ZNF786: variants seen among roughly 807,000 people sequenced by gnomAD.
ZNF786 encodes the protein zinc finger protein 786.
ZNF786 carries 56 observed loss-of-function variants against 63.1 expected under a neutral mutation model. The observed-to-expected ratio is 0.89, with a 90% confidence interval of 0.72 to 1.11. The LOEUF (loss-of-function observed/expected upper bound fraction) is 1.11. ZNF786 is among the 50% of genes least tolerant of loss of function. The pLI is 0.00. For synonymous variants in ZNF786, 485 were observed against 406.9 expected (o/e 1.19, Z -2.31); for missense variants, 1,213 against 1,041.8 (o/e 1.16, Z -2.26).
chr7:149,085,659 C>T (rs1002337763), intron 1 of ZNF786, among the ~76,000 whole-genome samples: 2 of 151,132 alleles, frequency 1.3e-5, no homozygotes, highest in African/African-American at 2.5e-5. Context: ...ATAGGAATAG[C>T]AATGAATCTG....
chr7:149,083,550 A>C (rs1021727354), intron 1 of ZNF786, among the ~76,000 whole-genome samples: 20 of 152,160 alleles, frequency 1.3e-4, no homozygotes, highest in African/African-American at 4.8e-4. Flanking sequence ...GTTTATTTTA[A>C]ATGTTAGTTT....
chr7:149,070,474 A>C lies in ZNF786; in HGVS notation c.2298T>G (p.Ile766Met), dbSNP rs755039989. ...CAAACAGTTGGCTGAGCCTTTTCTT[A>C]ATGTCCAGTTCATTTGGAGCAGGAC... ...KSCPAPNELDIKKRLSQLFAM... is the reference protein window; with the variant it reads ...KSCPAPNELDMKKRLSQLFAM... Residue 766 changes from isoleucine (I) to methionine (M), a missense_variant, in exon 4 of 4, where the codon ATT becomes ATG. Transcript: ENST00000491431. 9.3e-6 allele frequency: 15 copies of C among 1,614,026 alleles called. No individual in the cohort carries two copies. Among genetic ancestry groups the C allele is most frequent in the Non-Finnish European group, 1.3e-5 (15 of 1,179,888 alleles).
chr7:149,070,617 T>A lies in ZNF786; in HGVS notation c.2155A>T (p.Met719Leu), dbSNP rs1384598093. The change falls in exon 4 of 4, where the codon ATG becomes TTG. Residue 719 changes from methionine to leucine, a missense_variant. Physicochemically the swap from Met to Leu is conservative, Grantham distance 15. Coordinates refer to ENST00000491431, the MANE Select transcript of ZNF786 (RefSeq NM_152411.4). ...CTGTGGATGCGCTGGTGCCTCAGCA[T>A]GTGTCCCCTTTCCCGGAAGTTCTTG... ...CDKNFRERGH[M>L]LRHQRIHRPE... The A allele has an allele frequency of 6.2e-7, 1 of 1,613,800 alleles. No individual in the cohort carries two copies. The highest frequency in any genetic ancestry group is 1.3e-5 in the African/African-American group (1 of 74,920).
At chr7:149,085,617 A>G (rs542969668) in intron 1 of ZNF786, among the ~76,000 whole-genome samples, 1 of 152,214 alleles carries the variant, frequency 6.6e-6, no homozygotes, top group East Asian at 1.9e-4. Context: ...TCCTGGCAAT[A>G]TAGTTTTTTT....
At position 149,071,102 on chromosome 7, in the gene ZNF786, T is replaced by C; in HGVS notation, c.1670A>G (p.His557Arg). Reference protein sequence around the residue: ...RLKGILKAHQHTHSKERPFSC... With the variant: ...RLKGILKAHQRTHSKERPFSC... ...GAACGGCCTCTCCTTGCTGTGCGTG[T>C]GCTGGTGGGCCTTCAGGATGCCCTT... The change falls in exon 4 of 4, where the codon CAC (histidine) becomes CGC (arginine). Residue 557 changes from histidine to arginine, a missense_variant. Transcript: ENST00000491431. 1.2e-6 allele frequency: 2 copies of C among 1,604,794 alleles called. No homozygotes were observed. Among genetic ancestry groups the C allele is most frequent in the Non-Finnish European group, 1.7e-6 (2 of 1,177,214 alleles).
At chr7:149,082,440 A>C (rs1825667580) in intron 1 of ZNF786, 1 of 550,610 alleles carries the variant, frequency 1.8e-6, no homozygotes, top group Admixed American at 6.4e-5. Flanking sequence ...GAGGCTCACA[A>C]CTAGGAGTAT....
Position 149,071,873 on chromosome 7 carries a change from G to C in ZNF786, c.899C>G (p.Pro300Arg). The C allele has an allele frequency of 1.9e-6, 3 of 1,600,988 alleles. No homozygotes were observed. Among genetic ancestry groups the C allele is most frequent in the Non-Finnish European group, 2.6e-6 (3 of 1,176,234 alleles). ...CACTGGGAGGGAGCGCTTGCCGCATGGGGTGCACTGGGCAGGCTTCTCCCC... is the reference window on the plus strand; with the variant it reads ...CACTGGGAGGGAGCGCTTGCCGCATCGGGTGCACTGGGCAGGCTTCTCCCC... ...QQGEKPAQCT[P>R]CGKRSLPVDS... is the part of the protein sequence containing the mutation. Residue 300 changes from proline to arginine, a missense_variant, in exon 4 of 4, where the codon CCA (proline) becomes CGA (arginine). By Grantham distance (103) the Pro-to-Arg change is moderately radical (BLOSUM62 -2). Transcript: ENST00000491431.
chr7:149,076,156 C>T (rs1475639442), intron 2 of ZNF786, among the ~76,000 whole-genome samples: 3 of 151,800 alleles, frequency 2.0e-5, no homozygotes, highest in Non-Finnish European at 4.4e-5. Flanking sequence ...CTCTTGTTGC[C>T]CAGGCTGGAG....
At chr7:149,089,168 G>T (rs2129516986) in intron 1 of ZNF786, among the ~76,000 whole-genome samples, 1 of 152,122 alleles carries the variant, frequency 6.6e-6, no homozygotes, top group East Asian at 1.9e-4. Context: ...TAGCTAGGAT[G>T]GTCTCGATCT....
At chr7:149,082,584 AATT>A in intron 1 of ZNF786, 14 of 750,406 alleles carry the variant, frequency 1.9e-5, no homozygotes, top group Non-Finnish European at 1.9e-5. Flanking sequence ...TTCCAACTTA[AATT>A]TTTTTTTTTT....
chr7:149,086,752 C>T (rs1335173407), intron 1 of ZNF786, among the ~76,000 whole-genome samples: 1 of 151,912 alleles, frequency 6.6e-6, no homozygotes, highest in African/African-American at 2.4e-5. Flanking sequence ...CCCTCAGGAA[C>T]TAATAGAGGA....
chr7:149,077,104 C>T (rs1825565340), intron 2 of ZNF786, among the ~76,000 whole-genome samples: 1 of 152,190 alleles, frequency 6.6e-6, no homozygotes, highest in African/African-American at 2.4e-5. Context: ...AACATAGTAC[C>T]ACATAATAAG....
chr7:149,077,726 G>A lies in ZNF786; in HGVS notation c.145+2865C>T, dbSNP rs1299859896. The stretch of plus-strand genomic sequence containing the variant: ...CCCAGAACTTGGGGAGGCCAAGGCA[G>A]GTGGATCACTTGACCTCAAGAATTC... On this transcript the variant is annotated intron_variant, in intron 2 of 3. Transcript: ENST00000491431. Among the ~76,000 whole-genome samples the A allele has an allele frequency of 3.9e-5, 6 of 152,158 alleles. No homozygotes were observed. The East Asian group carries it at 1.2e-3, about 29-fold the overall frequency.
chr7:149,071,411 C>A lies in ZNF786; in HGVS notation c.1361G>T (p.Arg454Leu). The A allele has an allele frequency of 1.2e-6, 2 of 1,612,562 alleles. No individual in the cohort carries two copies. The highest frequency in any genetic ancestry group is 1.7e-6 in the Non-Finnish European group (2 of 1,179,558). ...IRVHSGEKPFRCAKCGRNFRQ... is the reference protein window; with the variant it reads ...IRVHSGEKPFLCAKCGRNFRQ... ...GAAGTTCCTGCCACACTTGGCACAC[C>A]GGAAAGGCTTCTCTCCGCTGTGGAC... The change falls in exon 4 of 4, where the codon CGG (arginine) becomes CTG (leucine). Residue 454 changes from arginine (R) to leucine (L), a missense_variant. Transcript: ENST00000491431.
intron 2 of ZNF786, among the ~76,000 whole-genome samples, chr7:149,079,691 C>T (rs1825619575): frequency 1.3e-5 from 2 of 148,398 alleles, no homozygotes; most frequent in Admixed American, 1.3e-4. Context: ...CTGCCTCAGT[C>T]TCCTGAGTAG....
chr7:149,075,525 A>G (rs977684741), intron 2 of ZNF786, among the ~76,000 whole-genome samples: 4 of 152,088 alleles, frequency 2.6e-5, no homozygotes, highest in Non-Finnish European at 2.9e-5. Flanking sequence ...GATTACAGGC[A>G]TGAGCCACCG....
rs1372178247 is a variant in ZNF786, at chr7:149,083,224, CT to C, written c.19-2508del. On this transcript the variant is annotated intron_variant, in intron 1 of 3. Coordinates refer to ENST00000491431, the MANE Select transcript of ZNF786 (RefSeq NM_152411.4). ...CCTAGTCATCTTTAAATTTTTTTTTCTTTTTTTTTGAGACGGAGTTTTGCTG... is the reference window on the plus strand; with the variant it reads ...CCTAGTCATCTTTAAATTTTTTTTTCTTTTTTTTGAGACGGAGTTTTGCTG... Among the ~76,000 whole-genome samples, 3 of 146,528 alleles carry C rather than the reference CT, an allele frequency of 2.0e-5. 1 individual carries two copies. The highest frequency in any genetic ancestry group is 1.4e-4 in the Admixed American group (2 of 14,658).
In ZNF786 at chr7:149,080,653, G is replaced by A; in HGVS notation, c.83C>T (p.Ala28Val). 6.2e-7 allele frequency: 1 copy of A among 1,612,802 alleles called. No individual in the cohort carries two copies. The highest frequency in any genetic ancestry group is 1.1e-5 in the South Asian group (1 of 90,824). Residue 28 changes from alanine to valine, a missense_variant, in exon 2 of 4, where the codon GCA becomes GTA. Coordinates refer to ENST00000491431, the MANE Select transcript of ZNF786 (RefSeq NM_152411.4). ...ATGCTTGTAAAGTTCCTTCTGCCAT[G>A]CCTCTAGATCCTGCCATTCTTGCTC... is the stretch of plus-strand genomic sequence containing the variant. ...FSEQEWQDLE[A>V]WQKELYKHVM... is the part of the protein sequence containing the mutation.
rs776708319 is a variant in ZNF786 at position 149,070,934 on chromosome 7, C to T, written c.1838G>A (p.Arg613His). 5 of 1,613,614 alleles carry T rather than the reference C, an allele frequency of 3.1e-6. No individual in the cohort carries two copies. Among genetic ancestry groups the T allele is most frequent in the Non-Finnish European group, 3.4e-6 (4 of 1,179,964 alleles). The change falls in exon 4 of 4, where the codon CGC (arginine) becomes CAC (histidine). Residue 613 changes from arginine to histidine, a missense_variant. Arg to His is a conservative substitution (Grantham distance 29, BLOSUM62 0). Coordinates refer to ENST00000491431, the MANE Select transcript of ZNF786 (RefSeq NM_152411.4). ...RLKGQLLSHQ[R>H]LHTGERPFQC... The stretch of plus-strand genomic sequence containing the variant: ...GAAGGGCCTCTCTCCCGTGTGCAGG[C>T]GCTGATGGCTGAGCAGCTGCCCCTT...
Sources: gnomAD v4.1 joint callset for allele counts (sites outside exome capture counted in the v4.1 genomes callset) on GRCh38, gnomAD v4.1.1 for gene constraint, MANE v1.5 for transcripts, NCBI Gene and HGNC (gene_info 2026-07-23, HGNC 2026-07-21) for gene names.